Variants in TANC1 observed in about 807,000 individuals in gnomAD.
The protein encoded by TANC1 is protein TANC1.
In TANC1, 77 loss-of-function variants were observed where a neutral mutation model predicts 149.7. That is an observed-to-expected ratio of 0.51 (90% CI 0.43 to 0.62). The LOEUF is 0.62. TANC1 is among the 20% of genes least tolerant of loss of function. The pLI is 0.00. For missense variants in TANC1, 1,985 were observed against 2,321.8 expected, an observed-to-expected ratio of 0.85 and a Z score of 2.98; for synonymous variants, 854 against 925.0, an observed-to-expected ratio of 0.92 and a Z score of 1.39.
chr2:159,153,794 G>C (rs1387033157), intron 7 of TANC1, among the ~76,000 whole-genome samples: 1 of 152,236 alleles, frequency 6.6e-6, no homozygotes, highest in African/African-American at 2.4e-5. Context: ...GAGTAGGGGT[G>C]TGCCTTTTCC....
chr2:158,992,306 A>C (rs952535515), intron 1 of TANC1, among the ~76,000 whole-genome samples: 1 of 151,696 alleles, frequency 6.6e-6, no homozygotes, highest in Non-Finnish European at 1.5e-5. Context: ...TAGAGGCTGC[A>C]GTGAGCTGTG....
intron 7 of TANC1, among the ~76,000 whole-genome samples, chr2:159,158,608 A>T (rs571394057): frequency 9.2e-5 from 14 of 152,360 alleles, no homozygotes; most frequent in Non-Finnish European, 1.6e-4. Context: ...ACATGTAATA[A>T]ACCAAGATTT....
Position 159,172,284 on chromosome 2 carries a change from T to A in TANC1, c.1503+12T>A, listed in dbSNP as rs1278874077. On this transcript the variant is annotated intron_variant, in intron 11 of 26. Transcript: ENST00000263635. ...ATCTTGCTTCTAAGGTAATCTTTCT[T>A]GTTTTATTGGAGCCTTCCACATAGA... 1 of 1,612,816 alleles carries A rather than the reference T, an allele frequency of 6.2e-7. No individual in the cohort carries two copies. Among genetic ancestry groups the A allele is most frequent in the East Asian group, 2.2e-5 (1 of 44,882 alleles).
chr2:159,139,722 C>G (rs1345460205), intron 5 of TANC1, among the ~76,000 whole-genome samples: 1 of 148,562 alleles, frequency 6.7e-6, no homozygotes, highest in Non-Finnish European at 1.5e-5. Context: ...ATGATATCTT[C>G]ATGTCAGTCA....
intron 4 of TANC1, among the ~76,000 whole-genome samples, chr2:159,117,701 C>CTTTTTTTTT (rs59509568): frequency 8.8e-6 from 1 of 113,282 alleles, no homozygotes; most frequent in African/African-American, 3.7e-5. Flanking sequence ...CGGCCTATTC[C>CTTTTTTTTT]TTTTTTTTTT....
chr2:159,062,705 C>T (rs1042062847), intron 2 of TANC1, among the ~76,000 whole-genome samples: 2 of 151,390 alleles, frequency 1.3e-5, no homozygotes, highest in East Asian at 1.9e-4. Flanking sequence ...CGGTGGCTCA[C>T]GCCTGTAATC....
intron 4 of TANC1, among the ~76,000 whole-genome samples, chr2:159,124,295 GA>G (rs2049161618): frequency 6.6e-6 from 1 of 152,144 alleles, no homozygotes; most frequent in South Asian, 2.1e-4. Flanking sequence ...AGTGAGCTGA[GA>G]TCGCACCACT....
intron 1 of TANC1, among the ~76,000 whole-genome samples, chr2:158,984,553 A>G (rs536898279): frequency 5.3e-4 from 80 of 152,278 alleles, no homozygotes; most frequent in South Asian, 1.0e-3. Flanking sequence ...TTTCCAAAAA[A>G]TGTTTCTTGA....
intron 5 of TANC1, among the ~76,000 whole-genome samples, chr2:159,140,794 G>A (rs577954205): frequency 1.3e-5 from 2 of 150,052 alleles, no homozygotes; most frequent in African/African-American, 4.9e-5. Flanking sequence ...GGGTTCAAGC[G>A]ATTCTTTTGC....
intron 1 of TANC1, among the ~76,000 whole-genome samples, chr2:158,990,935 T>G (rs546103844): frequency 1.3e-5 from 2 of 151,188 alleles, no homozygotes; most frequent in South Asian, 4.2e-4. Context: ...TATATGGGCA[T>G]GGTGGCGGGC....
At chr2:159,111,615 A>T (rs2047730826) in intron 4 of TANC1, among the ~76,000 whole-genome samples, 1 of 152,212 alleles carries the variant, frequency 6.6e-6, no homozygotes, top group Non-Finnish European at 1.5e-5. Context: ...GGTACACCAG[A>T]ATCCCGTATA....
In TANC1 at chr2:159,178,843, C is replaced by T. The variant is rs562404489; in HGVS notation, c.2190C>T (p.Pro730=). The stretch of plus-strand genomic sequence containing the variant: ...AGAGTGCCAGCTACAAGGTGGTGCC[C>T]GTGTCTCTCTCTGAGCTCTATTTGC... ...VIKSASYKVV[P]VSLSELYLLQ... Residue 730 remains proline (P), a synonymous_variant, in exon 14 of 27, where the codon CCC becomes CCT. Transcript: ENST00000263635. 7.2e-5 allele frequency: 116 copies of T among 1,614,146 alleles called. No homozygotes were observed. The highest frequency in any genetic ancestry group is 2.9e-4 in the South Asian group (26 of 91,076).
intron 2 of TANC1, among the ~76,000 whole-genome samples, chr2:159,004,518 TG>T (rs1259585150): frequency 1.3e-5 from 2 of 152,296 alleles, no homozygotes; most frequent in East Asian, 3.9e-4. Flanking sequence ...GATTTTTTTT[TG>T]GTCAAAATAT....
At chr2:159,107,005 TG>T (rs755070091) in intron 4 of TANC1, among the ~76,000 whole-genome samples, 23 of 150,370 alleles carry the variant, frequency 1.5e-4, no homozygotes, top group Non-Finnish European at 2.8e-4. Flanking sequence ...ATTTTATTGG[TG>T]GCTTTTTTGT....
intron 23 of TANC1, 93 bp from the exon 24 acceptor site, chr2:159,225,595 C>A: frequency 1.1e-6 from 1 of 941,742 alleles, no homozygotes; most frequent in Non-Finnish European, 1.7e-6. Context: ...TGGGCTCCTG[C>A]TGGTGCTGAC....
chr2:158,982,764 TGCCTGAC>T (rs1323956501), intron 1 of TANC1, among the ~76,000 whole-genome samples: 1 of 152,176 alleles, frequency 6.6e-6, no homozygotes, highest in Non-Finnish European at 1.5e-5. Context: ...TGCACCATCA[TGCCTGAC>T]TAATTTTTTT....
rs1559326068 is a variant in TANC1, at chr2:159,136,045, T to TGTGTGTGTGTGTGC, written c.260-144_260-143insTGTGTGTGCGTGTG. The TGTGTGTGTGTGTGC allele has an allele frequency of 1.1e-3, 122 of 107,826 alleles. 14 individuals are homozygous for TGTGTGTGTGTGTGC. Among genetic ancestry groups the TGTGTGTGTGTGTGC allele is most frequent in the Middle Eastern group, 2.7e-3 (1 of 368 alleles). 6.7% of individuals were successfully genotyped at this position (107,826 alleles called of 1,614,324 possible). ...GTGTGTGTGTGTGTGTGTGTGTGTG[T>TGTGTGTGTGTGTGC]GTGTGCGCGCGCGCGCGTTTAAGGG... On this transcript the variant is annotated intron_variant, in intron 4 of 26. Transcript: ENST00000263635.
intron 4 of TANC1, among the ~76,000 whole-genome samples, chr2:159,104,981 C>CTTTTTTTTTTTTTT (rs146778655): frequency 2.3e-5 from 1 of 43,386 alleles, no homozygotes; most frequent in African/African-American, 7.1e-5. Flanking sequence ...TGGATATTTG[C>CTTTTTTTTTTTTTT]TTTTTTTTTT....
At position 159,217,618 on chromosome 2, in the gene TANC1, G is replaced by C; in HGVS notation, c.3366G>C (p.Gln1122His). 6.2e-7 allele frequency: 1 copy of C among 1,614,144 alleles called. No homozygotes were observed. Among genetic ancestry groups the C allele is most frequent in the Non-Finnish European group, 8.5e-7 (1 of 1,180,032 alleles). Residue 1122 changes from glutamine (Q) to histidine (H), a missense_variant, in exon 20 of 27, where the codon CAG becomes CAC. Gln to His is a conservative substitution (Grantham distance 24). Transcript: ENST00000263635. ...CACCTTTGTTTTGTGCAGCACGCCA[G>C]GGGCATTGGCAGGTACCCAGGGGGC... ...GVPPLFCAAR[Q>H]GHWQIVRLLL...
Sources: gnomAD v4.1 joint callset for allele counts (sites outside exome capture counted in the v4.1 genomes callset) on GRCh38, gnomAD v4.1.1 for gene constraint, MANE v1.5 for transcripts, NCBI Gene and HGNC (gene_info 2026-07-23, HGNC 2026-07-21) for gene names.